Variants in STK32C observed in about 807,000 individuals in gnomAD.
STK32C encodes serine/threonine kinase 32C.
Under a neutral mutation model 56.5 loss-of-function variants are expected in STK32C, and 31 were observed. The observed-to-expected ratio is 0.55, with a 90% CI of 0.41 to 0.74. The LOEUF (loss-of-function observed/expected upper bound fraction) is 0.74, where lower values mean the gene tolerates loss of function less well. Among genes scored for constraint, STK32C ranks in the 30% least tolerant of loss-of-function variants. The pLI, the probability that STK32C is intolerant of heterozygous loss-of-function variation, is 0.00. For synonymous variants in STK32C, 309 were observed against 289.4 expected, an observed-to-expected ratio of 1.07 and a Z score of -0.69; for missense variants, 544 against 676.9, an observed-to-expected ratio of 0.80 and a Z score of 2.18.
chr10:132,305,680 G>A (rs760305228), intron 1 of STK32C, among the ~76,000 whole-genome samples: 13 of 152,180 alleles, frequency 8.5e-5, no homozygotes, highest in Admixed American at 3.3e-4. Context: ...ACGAGTCCCC[G>A]GCATCCACAC....
At chr10:132,272,680 C>A (rs1188826112) in intron 1 of STK32C, among the ~76,000 whole-genome samples, 1 of 152,234 alleles carries the variant, frequency 6.6e-6, no homozygotes. Flanking sequence ...CCTGCAACAG[C>A]CTGGTCTCCC....
rs368738957 is a variant in STK32C at position 132,279,010 on chromosome 10, G to C, written c.262+28562C>G. On this transcript the variant is annotated intron_variant, in intron 1 of 11. Coordinates refer to ENST00000298630, the MANE Select transcript of STK32C (RefSeq NM_173575.4). Reference sequence around the variant, plus strand: ...ATAGCAAGGAGATGCCCTTTGTCTTGAATACAGCCAGTGCCAGTTGCCCAT... The same window carrying C: ...ATAGCAAGGAGATGCCCTTTGTCTTCAATACAGCCAGTGCCAGTTGCCCAT... 2.0e-5 allele frequency among the ~76,000 whole-genome samples: 3 copies of C among 152,244 alleles called. No homozygotes were observed. The East Asian group carries it at 5.8e-4, about 29-fold the overall frequency.
intron 1 of STK32C, among the ~76,000 whole-genome samples, chr10:132,277,846 A>G (rs908089418): frequency 1.2e-4 from 18 of 147,568 alleles, no homozygotes; most frequent in African/African-American, 4.6e-4. Context: ...GGCCCGACAC[A>G]CCCTCCCGAC....
chr10:132,244,833 C>G (rs1179238851), intron 2 of STK32C, among the ~76,000 whole-genome samples: 1 of 152,212 alleles, frequency 6.6e-6, no homozygotes, highest in Non-Finnish European at 1.5e-5. Context: ...TCAGTCCCAA[C>G]AGCCCTGAGC....
intron 1 of STK32C, chr10:132,330,176 G>A (rs1236054500): frequency 2.3e-6 from 1 of 443,356 alleles, no homozygotes. Context: ...CACAGTAAAG[G>A]GCAAAACATG....
At chr10:132,299,960 G>A (rs958721425) in intron 1 of STK32C, among the ~76,000 whole-genome samples, 2 of 152,238 alleles carry the variant, frequency 1.3e-5, no homozygotes, top group African/African-American at 4.8e-5. Flanking sequence ...GGTGCATGGA[G>A]TAGGCGGCAC....
intron 2 of STK32C, among the ~76,000 whole-genome samples, chr10:132,231,240 C>T (rs2063089304): frequency 6.6e-6 from 1 of 152,228 alleles, no homozygotes; most frequent in Non-Finnish European, 1.5e-5. Flanking sequence ...TCCACCAGAA[C>T]AAAGCAGCAG....
intron 1 of STK32C, among the ~76,000 whole-genome samples, chr10:132,246,552 C>A (rs1050604524): frequency 6.6e-6 from 1 of 152,150 alleles, no homozygotes; most frequent in African/African-American, 2.4e-5. Context: ...GGAGAGCCTG[C>A]GCCCAGCATG....
rs1465710101 is a variant in STK32C, at chr10:132,224,403, T to C, written c.993+4A>G. On this transcript the variant is annotated splice_donor_region_variant and intron_variant, in intron 8 of 11. Transcript: ENST00000298630. ...GGTGAGGAGGCTCAGGGATGGGGGC[T>C]CACCTTCCGCAGCAAGGCCACCATC... 4.5e-6 allele frequency: 7 copies of C among 1,548,498 alleles called. No homozygotes were observed. Among genetic ancestry groups the C allele is most frequent in the Non-Finnish European group, 6.1e-6 (7 of 1,145,330 alleles).
In STK32C at chr10:132,243,471, T is replaced by C. The variant is rs571741107; in HGVS notation, c.318+2429A>G. Among the ~76,000 whole-genome samples the C allele has an allele frequency of 3.4e-4, 51 of 152,224 alleles. No individual in the cohort carries two copies. In the East Asian group the frequency reaches 4.6e-3, roughly 14 times the overall value. ...GGAGGGCAGGCTGGACGAATGTCCA[T>C]GGCAGGGAGAAACAGATTTTCTCCA... On this transcript the variant is annotated intron_variant, in intron 2 of 11. Coordinates refer to ENST00000298630, the MANE Select transcript of STK32C (RefSeq NM_173575.4).
intron 1 of STK32C, among the ~76,000 whole-genome samples, chr10:132,324,822 T>C (rs1270008684): frequency 1.3e-5 from 2 of 152,186 alleles, no homozygotes; most frequent in East Asian, 1.9e-4. Context: ...CATCAATCAA[T>C]GCCTGTGAGG....
At chr10:132,327,480 A>AT (rs922673980) in intron 1 of STK32C, among the ~76,000 whole-genome samples, 298 of 146,834 alleles carry the variant, frequency 2.0e-3, no homozygotes, top group East Asian at 9.4e-3. Flanking sequence ...TTTAAAACAA[A>AT]TTTTTTTTTT....
intron 1 of STK32C, among the ~76,000 whole-genome samples, chr10:132,276,762 G>A (rs2065008704): frequency 6.6e-6 from 1 of 151,872 alleles, no homozygotes; most frequent in Admixed American, 6.6e-5. Context: ...AGTCCAGCCT[G>A]GTGACAGAGC....
downstream of STK32C, among the ~76,000 whole-genome samples, chr10:132,320,623 G>A (rs1230596059): frequency 1.3e-5 from 2 of 152,158 alleles, no homozygotes; most frequent in Non-Finnish European, 1.5e-5. Context: ...CAGGCATTTG[G>A]GGGGCTAGGT....
At chr10:132,292,426 A>G (rs1363393058) in intron 1 of STK32C, among the ~76,000 whole-genome samples, 1 of 152,062 alleles carries the variant, frequency 6.6e-6, no homozygotes, top group African/African-American at 2.4e-5. Flanking sequence ...ACTCATCCAC[A>G]CTCAGTCTGA....
chr10:132,219,051 G>GGGA (rs1462906979), intron 10 of STK32C, among the ~76,000 whole-genome samples: 16 of 152,246 alleles, frequency 1.1e-4, no homozygotes, highest in Non-Finnish European at 2.2e-4. Flanking sequence ...GGGAGAAGAG[G>GGGA]GGAATGGGGC....
At chr10:132,295,374 G>A (rs2065706788) in intron 1 of STK32C, among the ~76,000 whole-genome samples, 1 of 152,236 alleles carries the variant, frequency 6.6e-6, no homozygotes, top group South Asian at 2.1e-4. Flanking sequence ...GTGAGAAAGT[G>A]ATCAGAAACT....
Position 132,222,877 on chromosome 10 carries a change from G to A in STK32C, c.1103C>T (p.Pro368Leu), listed in dbSNP as rs774938343. ...CAGGCTTACGTTGGGCACGAAGCCC[G>A]GCTCCACCCTCTTCTCGCTCAGGTG... ...WDHLSEKRVE[P>L]GFVPNKGRLH... is the part of the protein sequence containing the mutation. The change falls in exon 9 of 12, where the codon CCG (proline) becomes CTG (leucine). Residue 368 changes from proline to leucine, a missense_variant. Coordinates refer to ENST00000298630, the MANE Select transcript of STK32C (RefSeq NM_173575.4). 7.0e-6 allele frequency: 11 copies of A among 1,579,042 alleles called. No individual in the cohort carries two copies. Among genetic ancestry groups the A allele is most frequent in the Admixed American group, 3.6e-5 (2 of 56,284 alleles).
downstream of STK32C, among the ~76,000 whole-genome samples, chr10:132,323,540 C>T (rs1204800966): frequency 1.3e-5 from 2 of 152,170 alleles, no homozygotes; most frequent in African/African-American, 4.8e-5. The surrounding 1 kb of genome is among the most constrained non-coding windows in gnomAD (Gnocchi z 4.8). Flanking sequence ...GAATAATGGC[C>T]CTCAGAGACG....
Sources: gnomAD v4.1 joint callset for allele counts (sites outside exome capture counted in the v4.1 genomes callset) on GRCh38, gnomAD v4.1.1 for gene constraint, Gnocchi (gnomAD v3.1) non-coding constraint, MANE v1.5 for transcripts, NCBI Gene and HGNC (gene_info 2026-07-23, HGNC 2026-07-21) for gene names.